The following ALPK1 variants were observed in gnomAD, a reference collection of about 807,000 sequenced individuals.
ALPK1 encodes alpha-protein kinase 1.
ALPK1 carries 110 observed loss-of-function variants against 120.6 expected under a neutral mutation model. The observed-to-expected ratio is 0.91, with a 90% CI of 0.78 to 1.07. The LOEUF (loss-of-function observed/expected upper bound fraction) is 1.07. Among genes scored for constraint, ALPK1 ranks in the 50% least tolerant of loss-of-function variants. The pLI, the probability that ALPK1 is intolerant of heterozygous loss-of-function variation, is 0.00. For missense variants in ALPK1, 1,498 were observed against 1,483.9 expected (o/e 1.01, Z -0.16); for synonymous variants, 582 against 560.3 (o/e 1.04, Z -0.55).
At chr4:112,313,104 T>G (rs1028260994) in intron 1 of ALPK1, among the ~76,000 whole-genome samples, 2 of 152,072 alleles carry the variant, frequency 1.3e-5, no homozygotes, top group African/African-American at 4.8e-5. Flanking sequence ...CGGTTGAAAA[T>G]ATGCATCTGA....
At position 112,440,927 on chromosome 4, in the gene ALPK1, C is replaced by T. The variant is rs143402579; in HGVS notation, c.3549C>T (p.Thr1183=). Residue 1183 remains threonine (T), a synonymous_variant, in exon 15 of 16, where the codon ACC becomes ACT. Transcript: ENST00000650871. ...DVVVDLQGWV[T]GNGKGLIYLT... Reference sequence around the variant, plus strand: ...TCATTTCTCTTTTAGGTTGGGTAACCGGTAATGGAAAAGGACTCATCTACC... The same window carrying T: ...TCATTTCTCTTTTAGGTTGGGTAACTGGTAATGGAAAAGGACTCATCTACC... The T allele has an allele frequency of 1.2e-5, 19 of 1,610,274 alleles. No individual in the cohort carries two copies. The highest frequency in any genetic ancestry group is 6.7e-5 in the East Asian group (3 of 44,836).
At chr4:112,381,871 T>C (rs1242085594) in intron 3 of ALPK1, among the ~76,000 whole-genome samples, 1 of 152,244 alleles carries the variant, frequency 6.6e-6, no homozygotes, top group African/African-American at 2.4e-5. Context: ...ATTTCACAAT[T>C]AATTTACACC....
chr4:112,429,393 C>T, intron 10 of ALPK1, 140 bp downstream of exon 10: 1 of 651,884 alleles, frequency 1.5e-6, no homozygotes, highest in South Asian at 1.9e-5. Flanking sequence ...AGACTCCACA[C>T]CACATATGGA....
intron 5 of ALPK1, chr4:112,414,820 G>A (rs1356968313): frequency 6.5e-6 from 1 of 153,764 alleles, no homozygotes; most frequent in Non-Finnish European, 1.4e-5. Context: ...AACATAAAAG[G>A]TATTTAAAAT....
rs2148767363 is a variant in ALPK1, at chr4:112,438,370, A to G, written c.3189-114A>G. On this transcript the variant is annotated intron_variant, in intron 12 of 15. Transcript: ENST00000650871. ...AAATAATTAATATTCAGTCTAAGGCAGAGAAAGAGATCTTTCAAGCATTTC... is the reference window on the plus strand; with the variant it reads ...AAATAATTAATATTCAGTCTAAGGCGGAGAAAGAGATCTTTCAAGCATTTC... The G allele has an allele frequency of 4.2e-6, 4 of 954,614 alleles. No individual in the cohort carries two copies. In the East Asian group the frequency reaches 9.9e-5, roughly 24 times the overall value. The allele number at this position is 954,614 out of a possible 1,614,324, so 59.1% of individuals were successfully genotyped here.
chr4:112,441,029 C>T lies in ALPK1; in HGVS notation c.3651C>T (p.Phe1217=). 1 of 1,613,968 alleles carries T rather than the reference C, an allele frequency of 6.2e-7. No individual in the cohort carries two copies. The highest frequency in any genetic ancestry group is 1.1e-5 in the South Asian group (1 of 91,082). ...TTGGAAAGAGAGGAATTTTTTACTTCTTTAATAACCAGCATGTGGAATGTA... is the reference window on the plus strand; with the variant it reads ...TTGGAAAGAGAGGAATTTTTTACTTTTTTAATAACCAGCATGTGGAATGTA... ...TNFGKRGIFY[F]FNNQHVECNE... is the part of the protein sequence containing the mutation. The change falls in exon 15 of 16, where the codon TTC becomes TTT. Residue 1217 remains phenylalanine (F), a synonymous_variant. Coordinates refer to ENST00000650871, the MANE Select transcript of ALPK1 (RefSeq NM_025144.4).
intron 1 of ALPK1, among the ~76,000 whole-genome samples, chr4:112,313,723 C>CA (rs1441078844): frequency 4.6e-5 from 7 of 151,858 alleles, no homozygotes; most frequent in Admixed American, 1.3e-4. Context: ...ACTCCCATCT[C>CA]AAAAAAAGTA....
chr4:112,431,059 T>C lies in ALPK1; in HGVS notation c.1512T>C (p.Ser504=). 2 of 1,614,090 alleles carry C rather than the reference T, an allele frequency of 1.2e-6. No homozygotes were observed. The highest frequency in any genetic ancestry group is 1.3e-5 in the African/African-American group (1 of 75,000). The part of the protein sequence containing the change: ...KTEIKNIDTV[S]TTQEKPHCQR... ...AAATAAAAAACATAGATACTGTGAGTACTACTCAAGAAAAGCCACATTGTC... is the reference window on the plus strand; with the variant it reads ...AAATAAAAAACATAGATACTGTGAGCACTACTCAAGAAAAGCCACATTGTC... Residue 504 remains serine (S), a synonymous_variant, in exon 11 of 16, where the codon AGT becomes AGC. Transcript: ENST00000650871.
At chr4:112,351,252 T>C (rs530604277) in intron 2 of ALPK1, among the ~76,000 whole-genome samples, 49 of 152,268 alleles carry the variant, frequency 3.2e-4, no homozygotes, top group African/African-American at 1.1e-3. Flanking sequence ...AAGTCAAGTT[T>C]GGTAAACACG....
rs186285911 is a variant in ALPK1, at chr4:112,408,402, G to A, written c.277-3425G>A. ...TGAGAGACTGGCCTTATTAGACACA[G>A]CTGGCCACATATAAAACCATCAGTT... On this transcript the variant is annotated intron_variant, in intron 4 of 15. Transcript: ENST00000650871. Among the ~76,000 whole-genome samples, 219 of 152,186 alleles carry A rather than the reference G, an allele frequency of 1.4e-3. 1 individual carries two copies. Among genetic ancestry groups the A allele is most frequent in the African/African-American group, 4.9e-3 (205 of 41,524 alleles).
rs1268738122 is a variant in ALPK1 at position 112,423,949 on chromosome 4, C to T, written c.481C>T (p.Leu161Phe). 3 of 1,613,846 alleles carry T rather than the reference C, an allele frequency of 1.9e-6. No individual in the cohort carries two copies. The highest frequency in any genetic ancestry group is 1.7e-5 in the Admixed American group (1 of 59,956). Residue 161 changes from leucine (L) to phenylalanine (F), a missense_variant, in exon 6 of 16, where the codon CTT (leucine) becomes TTT (phenylalanine). Physicochemically the swap from Leu to Phe is conservative, Grantham distance 22. Coordinates refer to ENST00000650871, the MANE Select transcript of ALPK1 (RefSeq NM_025144.4). ...ATTTGGTTGCTGCTTTTCAGGAAAA[C>T]TTTTAAAAGCAGAGTATATTCTGAG... ...QARISVNSGK[L>F]LKAEYILSSL...
At chr4:112,409,232 AG>A (rs893819096) in intron 4 of ALPK1, among the ~76,000 whole-genome samples, 3 of 152,118 alleles carry the variant, frequency 2.0e-5, no homozygotes, top group African/African-American at 7.2e-5. Flanking sequence ...TGGAGAAAAA[AG>A]GGTGTCAAGG....
intron 9 of ALPK1, 188 bp downstream of exon 9, chr4:112,427,853 T>A: frequency 1.8e-6 from 1 of 545,872 alleles, no homozygotes; most frequent in Non-Finnish European, 3.3e-6. Context: ...TCCCAGCGCC[T>A]AGCACTGTAA....
At chr4:112,386,555 C>G (rs2051778) in intron 4 of ALPK1, among the ~76,000 whole-genome samples, 135,754 of 152,220 alleles carry the variant, frequency 0.89, 60,790 homozygotes, top group African/African-American at 0.97. Context: ...CAGGCTACGG[C>G]GACCTAAAAT....
chr4:112,336,258 A>C (rs574916862), intron 2 of ALPK1, among the ~76,000 whole-genome samples: 1 of 152,300 alleles, frequency 6.6e-6, no homozygotes, highest in Admixed American at 6.5e-5. Context: ...AGCCACACAC[A>C]GTGGAGATAG....
chr4:112,357,896 G>A (rs2148714809), intron 2 of ALPK1: 1 of 1,152,600 alleles, frequency 8.7e-7, no homozygotes, highest in South Asian at 1.3e-5. Flanking sequence ...GTGGAGCCCA[G>A]GAGCAAAGGC....
chr4:112,315,304 C>T (rs1427601374), intron 1 of ALPK1, among the ~76,000 whole-genome samples: 1 of 152,124 alleles, frequency 6.6e-6, no homozygotes, highest in Admixed American at 6.5e-5. Flanking sequence ...AGTAAATAGA[C>T]TTTTTTAAAG....
At position 112,441,772 on chromosome 4, in the gene ALPK1, C is replaced by A. The variant is rs76489683; in HGVS notation, c.*562C>A. 4,193 of 152,538 alleles carry A rather than the reference C, an allele frequency of 0.027. 89 individuals are homozygous for A. The highest frequency in any genetic ancestry group is 0.041 in the Middle Eastern group (12 of 296). 9.4% of individuals were successfully genotyped at this position (152,538 alleles called of 1,614,324 possible). A position where few individuals can be genotyped will look rare whatever the true frequency, so the allele number is the denominator to read the frequency against. On this transcript the variant is annotated 3_prime_UTR_variant, in exon 16 of 16. Coordinates refer to ENST00000650871, the MANE Select transcript of ALPK1 (RefSeq NM_025144.4). ...ACTCTGAGTTTCTTTCTTTTTAATT[C>A]TCCTGTATTTCCTTCTAGTATAATT... is the stretch of plus-strand genomic sequence containing the variant.
At chr4:112,377,998 C>G in intron 3 of ALPK1, 100 bp downstream of exon 3, 1 of 1,236,474 alleles carries the variant, frequency 8.1e-7, no homozygotes, top group Non-Finnish European at 1.0e-6. Flanking sequence ...TTTTTCTTCT[C>G]TTGGCAGATG....
Sources: gnomAD v4.1 joint callset for allele counts (sites outside exome capture counted in the v4.1 genomes callset) on GRCh38, gnomAD v4.1.1 for gene constraint, MANE v1.5 for transcripts, NCBI Gene and HGNC (gene_info 2026-07-23, HGNC 2026-07-21) for gene names.